The following HSPG2 variants were observed in gnomAD, a reference collection of about 807,000 sequenced individuals.
HSPG2 encodes basement membrane-specific heparan sulfate proteoglycan core protein.
HSPG2 carries 278 observed loss-of-function variants against 526.6 expected under a neutral mutation model. That is an observed-to-expected ratio of 0.53 (90% CI 0.48 to 0.58). The LOEUF (loss-of-function observed/expected upper bound fraction) is 0.58, where lower values mean the gene tolerates loss of function less well. HSPG2 is among the 20% of genes least tolerant of loss of function. The probability of loss-of-function intolerance (pLI) is 0.00; values close to 1 mark genes in which losing one functional copy is unlikely to be tolerated. For synonymous variants in HSPG2, 2,465 were observed against 2,555.4 expected (o/e 0.96, Z 1.07); for missense variants, 5,354 against 6,099.5 (o/e 0.88, Z 4.07).
Position 21,848,898 on chromosome 1 carries a change from G to A in HSPG2, c.7580C>T (p.Ser2527Phe). Reference sequence around the variant, plus strand: ...ATGACCCCCGAGACACTCACAGTGGGAGCCACTAAGGCGCTGCTGGATGGT... The same window carrying A: ...ATGACCCCCGAGACACTCACAGTGGAAGCCACTAAGGCGCTGCTGGATGGT... The part of the protein sequence containing the change: ...LVTIQQRLSG[S>F]HSQGVAYPVR... Residue 2527 changes from serine to phenylalanine, a missense_variant, in exon 58 of 97, where the codon TCC becomes TTC. Transcript: ENST00000374695. This position sits in a 1 kb window ranked among gnomAD's most constrained non-coding sequence, Gnocchi z 4.9. 1 of 1,613,826 alleles carries A rather than the reference G, an allele frequency of 6.2e-7. No individual in the cohort carries two copies. Among genetic ancestry groups the A allele is most frequent in the Non-Finnish European group, 8.5e-7 (1 of 1,179,984 alleles).
At position 21,876,584 on chromosome 1, in the gene HSPG2, G is replaced by A. The variant is rs779310209; in HGVS notation, c.2754C>T (p.Pro918=). Residue 918 remains proline, a synonymous_variant, in exon 22 of 97, where the codon CCC becomes CCT. Transcript: ENST00000374695. ...TGCAGAAGCACTTGAGGCAGCCATC[G>A]GGGTTTCGGGTACTCAGGTGGAAAG... is the stretch of plus-strand genomic sequence containing the variant. ...DGSFHLSTRN[P]DGCLKCFCMG... is the part of the protein sequence containing the mutation. 1.4e-5 allele frequency: 22 copies of A among 1,614,066 alleles called. No homozygotes were observed. The East Asian group carries it at 3.6e-4, about 26-fold the overall frequency.
chr1:21,926,761 CAAAAAAAAAAAAAAAAAAA>C (rs57835686), intron 1 of HSPG2, among the ~76,000 whole-genome samples: 4 of 55,846 alleles, frequency 7.2e-5, no homozygotes, highest in African/African-American at 2.9e-4. Flanking sequence ...GACTCAGTCT[CAAAAAAAAAAAAAAAAAAA>C]AAAAAAAAGA....
At position 21,828,843 on chromosome 1, in the gene HSPG2, C is replaced by T. The variant is rs1174728969; in HGVS notation, c.12229G>A (p.Val4077Met). 3.2e-6 allele frequency: 5 copies of T among 1,550,566 alleles called. No homozygotes were observed. The highest frequency in any genetic ancestry group is 4.4e-6 in the Non-Finnish European group (5 of 1,146,930). The change falls in exon 88 of 97, where the codon GTG becomes ATG. Residue 4077 changes from valine (V) to methionine (M), a missense_variant. By Grantham distance (21) the Val-to-Met change is conservative. Coordinates refer to ENST00000374695, the MANE Select transcript of HSPG2 (RefSeq NM_005529.7). This position sits in a 1 kb window ranked among gnomAD's most constrained non-coding sequence, Gnocchi z 6.0. The stretch of plus-strand genomic sequence containing the variant: ...GAGGAGGCTGCTCTTACCTCGCCCA[C>T]ACAGCCGCGGAAGTGAGCGCTCATG... Reference protein sequence around the residue: ...TNMSAHFRGCVGEVSVNGKRL... With the variant: ...TNMSAHFRGCMGEVSVNGKRL...
At chr1:21,914,296 G>A (rs1271048804) in intron 1 of HSPG2, among the ~76,000 whole-genome samples, 1 of 152,128 alleles carries the variant, frequency 6.6e-6, no homozygotes, top group Non-Finnish European at 1.5e-5. Context: ...ATTTCCCTGG[G>A]TATGGAGGGT....
intron 65 of HSPG2, 147 bp downstream of exon 65, chr1:21,844,001 C>T: frequency 2.8e-6 from 3 of 1,074,966 alleles, no homozygotes; most frequent in Non-Finnish European, 4.1e-6. Context: ...CTGTGCCCAG[C>T]CCGCTCTCAA....
rs150067520 is a variant in HSPG2 at position 21,826,936 on chromosome 1, C to T, written c.12589+927G>A. Among the ~76,000 whole-genome samples the T allele has an allele frequency of 7.7e-3, 1,178 of 152,172 alleles. 7 individuals are homozygous for T. Among genetic ancestry groups the T allele is most frequent in the African/African-American group, 0.026 (1,091 of 41,532 alleles). On this transcript the variant is annotated intron_variant, in intron 91 of 96. Coordinates refer to ENST00000374695, the MANE Select transcript of HSPG2 (RefSeq NM_005529.7). ...ATGCCTGTAATCCAGCACTTTAGGA[C>T]GGTGGCTTACGCCTGTAATCCAGCA...
rs746299787 is a variant in HSPG2 at position 21,859,979 on chromosome 1, C to T, written c.5038G>A (p.Glu1680Lys). 1.1e-5 allele frequency: 18 copies of T among 1,610,474 alleles called. No homozygotes were observed. The highest frequency in any genetic ancestry group is 6.6e-5 in the South Asian group (6 of 90,266). ...PETNQAPLVV[E>K]VHPARSIVPQ... ...ACTATGCTTCGAGCAGGATGGACCT[C>T]GACCACCAGTGGGGCTTGGTTTGCT... The change falls in exon 41 of 97, where the codon GAG becomes AAG. Residue 1680 changes from glutamate (E) to lysine (K), a missense_variant. Transcript: ENST00000374695. This position sits in a 1 kb window ranked among gnomAD's most constrained non-coding sequence, Gnocchi z 5.3.
chr1:21,866,607 T>G lies in HSPG2; in HGVS notation c.4222-798A>C, dbSNP rs12125410. Among the ~76,000 whole-genome samples, 876 of 152,334 alleles carry G rather than the reference T, an allele frequency of 5.8e-3. 6 individuals carry two copies. Among genetic ancestry groups the G allele is most frequent in the Middle Eastern group, 0.024 (7 of 294 alleles). On this transcript the variant is annotated intron_variant, in intron 33 of 96. Coordinates refer to ENST00000374695, the MANE Select transcript of HSPG2 (RefSeq NM_005529.7). Reference sequence around the variant, plus strand: ...TCTGCAGTTGCATGAGCCGATAGATTCTTTGTTGCAGACAAGCCCACTGGA... The same window carrying G: ...TCTGCAGTTGCATGAGCCGATAGATGCTTTGTTGCAGACAAGCCCACTGGA...
At chr1:21,875,164 A>G in intron 25 of HSPG2, 162 bp from the exon 26 acceptor site, 3 of 666,946 alleles carry the variant, frequency 4.5e-6, no homozygotes, top group Non-Finnish European at 8.2e-6. Context: ...CGTGGCAAAC[A>G]GCTGTTACCT....
Position 21,847,731 on chromosome 1 carries a change from G to A in HSPG2, c.7983C>T (p.Ile2661=), listed in dbSNP as rs765417578. ...CVVARQPQAI[I]TWYKRGGSLP... is the part of the protein sequence containing the mutation. ...GGCTGCCCCCACGCTTGTACCATGTGATGATAGCCTGGGGCTGCCTGGCGA... is the reference window on the plus strand; with the variant it reads ...GGCTGCCCCCACGCTTGTACCATGTAATGATAGCCTGGGGCTGCCTGGCGA... Residue 2661 remains isoleucine, a synonymous_variant, in exon 61 of 97, where the codon ATC becomes ATT. Transcript: ENST00000374695. The surrounding 1 kb of genome is among the most constrained non-coding windows in gnomAD (Gnocchi z 4.1). 51 of 1,612,434 alleles carry A rather than the reference G, an allele frequency of 3.2e-5. No homozygotes were observed. In the South Asian group the frequency reaches 5.5e-4, roughly 17 times the overall value.
intron 1 of HSPG2, among the ~76,000 whole-genome samples, chr1:21,918,819 C>G (rs555578046): frequency 6.6e-6 from 1 of 152,326 alleles, no homozygotes; most frequent in South Asian, 2.1e-4. Context: ...CAGGGCTGGG[C>G]ACATAGTCAG....
chr1:21,823,854 C>G, intron 95 of HSPG2, 135 bp from the exon 96 acceptor site: 1 of 792,074 alleles, frequency 1.3e-6, no homozygotes, highest in South Asian at 1.4e-5. Context: ...CTTTCTTTCC[C>G]CCGCTGAACG....
intron 49 of HSPG2, 33 bp downstream of exon 49, chr1:21,854,578 G>C (rs1441554104): frequency 6.5e-7 from 1 of 1,539,136 alleles, no homozygotes; most frequent in East Asian, 2.5e-5. Context: ...CCTGCACCCT[G>C]GGTCCCCTGC....
At position 21,878,928 on chromosome 1, in the gene HSPG2, A is replaced by C; in HGVS notation, c.2471+66T>G. On this transcript the variant is annotated intron_variant, in intron 18 of 96. Transcript: ENST00000374695. ...ATCCAAGTCTCCTGCCTCCCTGCCC[A>C]GAATATTCTCTGGCCTGTTGCACTG... 3 of 1,565,268 alleles carry C rather than the reference A, an allele frequency of 1.9e-6. No individual in the cohort carries two copies. In the Admixed American group the frequency reaches 5.5e-5, roughly 29 times the overall value.
intron 1 of HSPG2, among the ~76,000 whole-genome samples, chr1:21,921,152 T>C (rs1644027832): frequency 6.6e-6 from 1 of 152,224 alleles, no homozygotes; most frequent in African/African-American, 2.4e-5. Context: ...CATTCTCTTC[T>C]TTCAGATAAG....
At chr1:21,841,816 A>G in intron 69 of HSPG2, 143 bp from the exon 70 acceptor site, 1 of 1,311,538 alleles carries the variant, frequency 7.6e-7, no homozygotes, top group Non-Finnish European at 1.1e-6. Context: ...AGATAGCAGA[A>G]AGTAACAAAG....
chr1:21,857,321 T>C lies in HSPG2; in HGVS notation c.5358A>G (p.Gly1786=). The change falls in exon 43 of 97, where the codon GGA becomes GGG. Residue 1786 remains glycine, a synonymous_variant. Coordinates refer to ENST00000374695, the MANE Select transcript of HSPG2 (RefSeq NM_005529.7). ...CTGTGCAGATGAAGGTGACGTCAGC[T>C]CCGGGGCGCACGCTCTGGCTCCGCT... is the stretch of plus-strand genomic sequence containing the variant. The part of the protein sequence containing the change: ...EEQRSQSVRP[G]ADVTFICTAK... 1 of 1,614,038 alleles carries C rather than the reference T, an allele frequency of 6.2e-7. No homozygotes were observed. The highest frequency in any genetic ancestry group is 8.5e-7 in the Non-Finnish European group (1 of 1,179,992).
chr1:21,889,050 T>C (rs1642159167), intron 6 of HSPG2, among the ~76,000 whole-genome samples: 1 of 152,178 alleles, frequency 6.6e-6, no homozygotes, highest in Non-Finnish European at 1.5e-5. Flanking sequence ...CTCAGCCTCC[T>C]GAGTAGCTAG....
At chr1:21,843,022 C>A in intron 66 of HSPG2, 101 bp from the exon 67 acceptor site, 1 of 1,393,118 alleles carries the variant, frequency 7.2e-7, no homozygotes. Flanking sequence ...ATCCTGGGGG[C>A]GCGGTGGCTT....
Sources: allele counts gnomAD v4.1 joint callset (sites outside exome capture counted in the v4.1 genomes callset), GRCh38; gene constraint gnomAD v4.1.1; non-coding constraint Gnocchi (gnomAD v3.1); transcripts MANE v1.5; gene names NCBI Gene and HGNC (gene_info 2026-07-23, HGNC 2026-07-21).